Variants in PCSK2 observed in about 807,000 individuals in gnomAD.
PCSK2 encodes neuroendocrine convertase 2.
In PCSK2, 14 loss-of-function variants were observed where a neutral mutation model predicts 69.7. That is an observed-to-expected ratio of 0.20 (90% CI 0.13 to 0.31). The LOEUF (loss-of-function observed/expected upper bound fraction) is 0.31, where lower values mean the gene tolerates loss of function less well. Ranked by LOEUF, PCSK2 falls within the 10% of genes least tolerant of loss-of-function variation. The pLI is 1.00. For missense variants in PCSK2, 544 were observed against 842.5 expected, an observed-to-expected ratio of 0.65 and a Z score of 4.39; for synonymous variants, 307 against 320.7, an observed-to-expected ratio of 0.96 and a Z score of 0.46.
intron 6 of PCSK2, among the ~76,000 whole-genome samples, chr20:17,422,774 A>C (rs542653654): frequency 3.3e-5 from 5 of 152,230 alleles, no homozygotes; most frequent in Non-Finnish European, 7.3e-5. Flanking sequence ...TAGGGTTAGC[A>C]TACAGAGAGA....
intron 10 of PCSK2, among the ~76,000 whole-genome samples, chr20:17,461,775 A>G (rs1249215958): frequency 6.6e-6 from 1 of 152,212 alleles, no homozygotes; most frequent in African/African-American, 2.4e-5. Context: ...CTTGCACACG[A>G]GAAAAACAAT....
intron 2 of PCSK2, among the ~76,000 whole-genome samples, chr20:17,343,891 C>G (rs1990578088): frequency 6.6e-6 from 1 of 152,210 alleles, no homozygotes; most frequent in South Asian, 2.1e-4. Context: ...AGGAGCACAG[C>G]CCTGCTGACA....
At chr20:17,373,050 G>A (rs1375153352) in intron 5 of PCSK2, among the ~76,000 whole-genome samples, 1 of 152,170 alleles carries the variant, frequency 6.6e-6, no homozygotes, top group Non-Finnish European at 1.5e-5. Flanking sequence ...GGCTTGGAGG[G>A]ATGAGCCAGC....
intron 2 of PCSK2, among the ~76,000 whole-genome samples, chr20:17,304,043 A>G (rs998981379): frequency 2.0e-5 from 3 of 151,194 alleles, no homozygotes; most frequent in Non-Finnish European, 4.4e-5. Context: ...TCAATTCATG[A>G]TTATCCAACT....
intron 2 of PCSK2, among the ~76,000 whole-genome samples, chr20:17,299,055 T>A (rs900338476): frequency 2.6e-5 from 4 of 152,238 alleles, no homozygotes; most frequent in African/African-American, 9.6e-5. Context: ...TTCTAATTTT[T>A]AATGTACAGA....
chr20:17,360,358 A>G (rs1461733554), intron 3 of PCSK2, among the ~76,000 whole-genome samples, 174 bp from the exon 4 acceptor site: 3 of 151,468 alleles, frequency 2.0e-5, no homozygotes, highest in Non-Finnish European at 2.9e-5. Context: ...AATGGAGAGG[A>G]AACACTATAG....
intron 1 of PCSK2, among the ~76,000 whole-genome samples, chr20:17,236,753 A>T (rs968610729): frequency 6.6e-6 from 1 of 152,196 alleles, no homozygotes; most frequent in African/African-American, 2.4e-5. Flanking sequence ...ATGAAAAAGG[A>T]GCTGTCTCAG....
chr20:17,459,191 T>G (rs1319638406), intron 10 of PCSK2, among the ~76,000 whole-genome samples: 1 of 152,214 alleles, frequency 6.6e-6, no homozygotes, highest in African/African-American at 2.4e-5. Context: ...AACAGACCCA[T>G]GTAGCCAGCA....
At chr20:17,268,429 G>T (rs1464967347) in intron 2 of PCSK2, among the ~76,000 whole-genome samples, 1 of 152,094 alleles carries the variant, frequency 6.6e-6, no homozygotes, top group African/African-American at 2.4e-5. Context: ...ATCCAGGTTT[G>T]GCTAGTCTGG....
chr20:17,276,594 C>G (rs2123035938), intron 2 of PCSK2, among the ~76,000 whole-genome samples: 1 of 152,100 alleles, frequency 6.6e-6, no homozygotes, highest in East Asian at 1.9e-4. Context: ...TACAGCTGAG[C>G]CATTTATACC....
chr20:17,456,257 T>TA, intron 9 of PCSK2, 91 bp from the exon 10 acceptor site: 1 of 708,958 alleles, frequency 1.4e-6, no homozygotes, highest in Non-Finnish European at 2.5e-6. Context: ...AATGAATAAA[T>TA]AAAAGGAGTA....
At chr20:17,339,200 G>A (rs1568608904) in intron 2 of PCSK2, among the ~76,000 whole-genome samples, 6 of 152,150 alleles carry the variant, frequency 3.9e-5, no homozygotes, top group African/African-American at 1.2e-4. Context: ...AAATGCTGAC[G>A]AGGCATGAAC....
chr20:17,354,405 A>C (rs984408630), intron 2 of PCSK2, among the ~76,000 whole-genome samples: 1 of 152,214 alleles, frequency 6.6e-6, no homozygotes, highest in African/African-American at 2.4e-5. Context: ...GGAAGGCTAA[A>C]ATTCAGAGAA....
At chr20:17,269,959 T>G (rs535147993) in intron 2 of PCSK2, among the ~76,000 whole-genome samples, 2 of 152,282 alleles carry the variant, frequency 1.3e-5, no homozygotes, top group Admixed American at 6.5e-5. Flanking sequence ...CAGAAAGATA[T>G]AGTTTTTAAA....
intron 2 of PCSK2, among the ~76,000 whole-genome samples, chr20:17,337,792 G>A (rs533253503): frequency 2.6e-5 from 4 of 151,962 alleles, no homozygotes; most frequent in Admixed American, 1.3e-4. Flanking sequence ...AGCCAGGTAT[G>A]GTGGTGCATG....
intron 2 of PCSK2, among the ~76,000 whole-genome samples, chr20:17,287,226 C>T (rs975622311): frequency 6.6e-6 from 1 of 152,162 alleles, no homozygotes; most frequent in Non-Finnish European, 1.5e-5. Context: ...CGTGGCCTAG[C>T]CCAGTTGACA....
intron 2 of PCSK2, among the ~76,000 whole-genome samples, chr20:17,357,178 T>C (rs1951436659): frequency 2.0e-5 from 3 of 152,236 alleles, no homozygotes; most frequent in Non-Finnish European, 4.4e-5. Flanking sequence ...AAACAAAGCC[T>C]AGCCATTGCC....
intron 2 of PCSK2, among the ~76,000 whole-genome samples, chr20:17,307,993 A>C (rs1989380214): frequency 6.6e-6 from 1 of 152,208 alleles, no homozygotes. Flanking sequence ...CTTCCATGGC[A>C]GGAGCAGGAG....
intron 2 of PCSK2, among the ~76,000 whole-genome samples, chr20:17,308,475 G>A (rs2123106816): frequency 6.6e-6 from 1 of 152,288 alleles, no homozygotes; most frequent in Middle Eastern, 3.4e-3. Flanking sequence ...AGCATTCCAG[G>A]CGGAAGTGCA....
Sources: gnomAD v4.1 joint callset for allele counts (sites outside exome capture counted in the v4.1 genomes callset) on GRCh38, gnomAD v4.1.1 for gene constraint, MANE v1.5 for transcripts, NCBI Gene and HGNC (gene_info 2026-07-23, HGNC 2026-07-21) for gene names.